The following NHSL1 variants were observed in gnomAD, a reference collection of about 807,000 sequenced individuals.
NHSL1 encodes NHS-like protein 1.
Under a neutral mutation model 95.0 loss-of-function variants are expected in NHSL1, and 48 were observed. The observed-to-expected ratio is 0.51, with a 90% CI of 0.40 to 0.64. The LOEUF is 0.64. Ranked by LOEUF, NHSL1 falls within the 30% of genes least tolerant of loss-of-function variation. NHSL1 has a pLI of 0.00. For missense variants in NHSL1, 1,971 were observed against 2,077.7 expected (o/e 0.95, Z 1.00); for synonymous variants, 783 against 833.9 (o/e 0.94, Z 1.05).
chr6:138,426,296 G>A (rs1035638759), intron 7 of NHSL1, among the ~76,000 whole-genome samples: 8 of 152,154 alleles, frequency 5.3e-5, no homozygotes, highest in Admixed American at 5.2e-4. Flanking sequence ...CCCACCTCTC[G>A]CTGTGTGACC....
intron 2 of NHSL1, among the ~76,000 whole-genome samples, chr6:138,485,446 T>TAA (rs768633258): frequency 3.1e-4 from 36 of 115,534 alleles, no homozygotes; most frequent in South Asian, 1.5e-3. Flanking sequence ...TGCTTACCGT[T>TAA]AAAAAAAAAA....
intron 2 of NHSL1, among the ~76,000 whole-genome samples, chr6:138,476,957 T>TAAA (rs58311101): frequency 3.0e-4 from 30 of 100,546 alleles, no homozygotes; most frequent in African/African-American, 6.4e-4. Flanking sequence ...TCCCTGAATC[T>TAAA]AAAAAAAAAA....
At chr6:138,581,958 C>T (rs1245111269) in intron 1 of NHSL1, among the ~76,000 whole-genome samples, 15 of 145,026 alleles carry the variant, frequency 1.0e-4, no homozygotes, top group Non-Finnish European at 1.9e-4. Flanking sequence ...AGTGCAGTGG[C>T]GCGATCTCGG....
At chr6:138,435,201 G>A (rs977817272) in intron 5 of NHSL1, 8 of 154,712 alleles carry the variant, frequency 5.2e-5, no homozygotes, top group East Asian at 3.9e-4. Flanking sequence ...GACTGGTATC[G>A]GTGTATCAGT....
chr6:138,432,329 G>C lies in NHSL1; in HGVS notation c.2016C>G (p.Pro672=), dbSNP rs774593700. The C allele has an allele frequency of 6.4e-7, 1 of 1,551,736 alleles. No homozygotes were observed. The highest frequency in any genetic ancestry group is 1.2e-5 in the South Asian group (1 of 84,064). Residue 672 remains proline, a synonymous_variant, in exon 6 of 8, where the codon CCC becomes CCG. Coordinates refer to ENST00000343505, the MANE Select transcript of NHSL1 (RefSeq NM_001144060.2). This position sits in a 1 kb window ranked among gnomAD's most constrained non-coding sequence, Gnocchi z 4.4. ...GGGAGTCTGTCCGGGAGGGTGGCAG[G>C]GGAGGCTTCTTTGCTTTCTTCAAAG... ...NISLKKAKKP[P]LPPSRTDSLR...
upstream of NHSL1, among the ~76,000 whole-genome samples, chr6:138,576,288 C>T (rs950848929): frequency 2.0e-5 from 3 of 152,122 alleles, no homozygotes; most frequent in Non-Finnish European, 2.9e-5. Context: ...CACCGCTCCC[C>T]GCCTGCAAAT....
intron 1 of NHSL1, among the ~76,000 whole-genome samples, chr6:138,534,462 T>C (rs1306054308): frequency 6.6e-6 from 1 of 152,162 alleles, no homozygotes; most frequent in East Asian, 1.9e-4. Context: ...AGGAGCCCTT[T>C]GAAAGGGTAA....
intron 1 of NHSL1, among the ~76,000 whole-genome samples, chr6:138,673,885 G>A (rs1312225576): frequency 6.6e-6 from 1 of 152,226 alleles, no homozygotes; most frequent in African/African-American, 2.4e-5. Flanking sequence ...TACAAAGACT[G>A]CATAGTGCAA....
intron 1 of NHSL1, among the ~76,000 whole-genome samples, chr6:138,605,476 A>C (rs911587143): frequency 1.3e-5 from 2 of 152,238 alleles, no homozygotes; most frequent in East Asian, 3.8e-4. Flanking sequence ...AAAAAAGTTT[A>C]CCAGAATTAA....
At chr6:138,607,331 T>C (rs1336506946) in intron 1 of NHSL1, among the ~76,000 whole-genome samples, 1 of 152,182 alleles carries the variant, frequency 6.6e-6, no homozygotes, top group Non-Finnish European at 1.5e-5. Context: ...TTTCTAAATA[T>C]ACTATCATCG....
At chr6:138,597,682 G>A (rs1006856981) in intron 1 of NHSL1, among the ~76,000 whole-genome samples, 12 of 152,174 alleles carry the variant, frequency 7.9e-5, no homozygotes, top group African/African-American at 2.4e-4. Flanking sequence ...AGCATCCAAC[G>A]GTTTCATTCC....
chr6:138,628,264 G>C (rs926888850), intron 1 of NHSL1, among the ~76,000 whole-genome samples: 1 of 148,698 alleles, frequency 6.7e-6, no homozygotes, highest in African/African-American at 2.5e-5. Context: ...GTGAGCTGAG[G>C]TCTGCCATTG....
chr6:138,530,844 T>C (rs902731370), intron 1 of NHSL1, among the ~76,000 whole-genome samples: 5 of 152,182 alleles, frequency 3.3e-5, no homozygotes, highest in East Asian at 3.9e-4. Context: ...AAAGACCACA[T>C]GTTGGGTAGG....
At chr6:138,607,862 T>TCTG (rs1784455592) in intron 1 of NHSL1, among the ~76,000 whole-genome samples, 1 of 152,206 alleles carries the variant, frequency 6.6e-6, no homozygotes, top group Non-Finnish European at 1.5e-5. Flanking sequence ...AATCAAAAGT[T>TCTG]TCATGACTGA....
intron 1 of NHSL1, among the ~76,000 whole-genome samples, chr6:138,595,112 C>T (rs1260712117): frequency 2.0e-5 from 3 of 152,212 alleles, no homozygotes; most frequent in Admixed American, 6.5e-5. Context: ...GGGTGTAGGC[C>T]TCTGCAGGCC....
intron 1 of NHSL1, among the ~76,000 whole-genome samples, chr6:138,642,080 AT>A (rs1211628232): frequency 2.3e-4 from 31 of 134,362 alleles, no homozygotes; most frequent in Middle Eastern, 3.6e-3. Flanking sequence ...TCCCAAATTC[AT>A]GCAAAAAAAA....
intron 1 of NHSL1, among the ~76,000 whole-genome samples, chr6:138,647,435 C>G (rs926452706): frequency 6.6e-6 from 1 of 152,066 alleles, no homozygotes; most frequent in Non-Finnish European, 1.5e-5. Context: ...AGCTTATTCA[C>G]TTTTTTAAGA....
chr6:138,464,062 T>C (rs1562296403), intron 3 of NHSL1: 1 of 427,590 alleles, frequency 2.3e-6, no homozygotes, highest in East Asian at 4.7e-5. Flanking sequence ...AGTAAATGAA[T>C]GAGGGGGTGA....
intron 1 of NHSL1, among the ~76,000 whole-genome samples, chr6:138,508,315 G>C (rs1029430627): frequency 6.6e-6 from 1 of 152,170 alleles, no homozygotes; most frequent in Admixed American, 6.5e-5. Context: ...AGACTGTCCT[G>C]AGATGTTAGA....
Sources: gnomAD v4.1 joint callset for allele counts (sites outside exome capture counted in the v4.1 genomes callset) on GRCh38, gnomAD v4.1.1 for gene constraint, Gnocchi (gnomAD v3.1) non-coding constraint, MANE v1.5 for transcripts, NCBI Gene and HGNC (gene_info 2026-07-23, HGNC 2026-07-21) for gene names.